The following ZNF214 variants were observed in gnomAD, a reference collection of about 807,000 sequenced individuals.
The protein encoded by ZNF214 is zinc finger protein 214.
Under a neutral mutation model 53.9 loss-of-function variants are expected in ZNF214, and 43 were observed. The observed-to-expected ratio is 0.80, with a 90% CI of 0.63 to 1.03. The LOEUF (loss-of-function observed/expected upper bound fraction) is 1.03. Among genes scored for constraint, ZNF214 ranks in the 50% least tolerant of loss-of-function variants. The pLI is 0.00. For missense variants in ZNF214, 724 were observed against 719.1 expected, an observed-to-expected ratio of 1.01 and a Z score of -0.08; for synonymous variants, 217 against 229.5, an observed-to-expected ratio of 0.95 and a Z score of 0.49.
At chr11:7,014,804 CAA>C (rs1280725156) in intron 1 of ZNF214, among the ~76,000 whole-genome samples, 5 of 64,200 alleles carry the variant, frequency 7.8e-5, no homozygotes, top group Admixed American at 3.2e-4. Flanking sequence ...CTGTCTCTAA[CAA>C]AAAAAAAAAA....
chr11:7,000,888 A>G lies in ZNF214; in HGVS notation c.795T>C (p.His265=). ...CFSQRSDLYR[H]PRNHIGKKLY... ...GCTTCTTACCTATGTGGTTTCTTGGATGTCTATACAAGTCTGATCTCTGAG... is the reference window on the plus strand; with the variant it reads ...GCTTCTTACCTATGTGGTTTCTTGGGTGTCTATACAAGTCTGATCTCTGAG... Residue 265 remains histidine (H), a synonymous_variant, in exon 3 of 3, where the codon CAT becomes CAC. Coordinates refer to ENST00000278314, the MANE Select transcript of ZNF214 (RefSeq NM_013249.4). The G allele has an allele frequency of 6.2e-7, 1 of 1,613,180 alleles. No individual in the cohort carries two copies. Among genetic ancestry groups the G allele is most frequent in the Admixed American group, 1.7e-5 (1 of 59,896 alleles).
Position 6,999,936 on chromosome 11 carries a change from TG to T in ZNF214, c.1746del (p.Tyr582Ter). ...HQRVHAGEKP[Y>X]KCREYYKGFD... ...AATCCCTTATAATATTCACGGCATT[TG>T]TAAGGTTTCTCTCCTGCATGGACTC... On this transcript the variant is annotated frameshift_variant, in exon 3 of 3. Coordinates refer to ENST00000278314, the MANE Select transcript of ZNF214 (RefSeq NM_013249.4). LOFTEE classifies it high-confidence loss of function. 1 of 1,613,068 alleles carries T rather than the reference TG, an allele frequency of 6.2e-7. No homozygotes were observed. The highest frequency in any genetic ancestry group is 1.3e-5 in the African/African-American group (1 of 74,982).
chr11:7,006,220 A>C (rs953947085), intron 1 of ZNF214, among the ~76,000 whole-genome samples: 1 of 152,026 alleles, frequency 6.6e-6, no homozygotes, highest in African/African-American at 2.4e-5. Context: ...ACAAATGTCC[A>C]GGTTCATTCT....
At chr11:7,018,261 A>T (rs1274706157) in intron 1 of ZNF214, among the ~76,000 whole-genome samples, 2 of 152,136 alleles carry the variant, frequency 1.3e-5, no homozygotes, top group African/African-American at 4.8e-5. Context: ...ATGTGGCTTT[A>T]TACATTCATG....
In ZNF214 at chr11:7,000,123, A is replaced by G. The variant is rs780002821; in HGVS notation, c.1560T>C (p.His520=). 1.2e-6 allele frequency: 2 copies of G among 1,613,290 alleles called. No homozygotes were observed. The highest frequency in any genetic ancestry group is 1.1e-5 in the South Asian group (1 of 91,048). Residue 520 remains histidine, a synonymous_variant, in exon 3 of 3, where the codon CAT becomes CAC. Transcript: ENST00000278314. Reference sequence around the variant, plus strand: ...GACATTTATAGGGCTTTTCTCCTGTATGGACTCTCTGATGAATGAGAAGAT... The same window carrying G: ...GACATTTATAGGGCTTTTCTCCTGTGTGGACTCTCTGATGAATGAGAAGAT... The part of the protein sequence containing the change: ...RSHLLIHQRV[H]TGEKPYKCHD...
intron 1 of ZNF214, among the ~76,000 whole-genome samples, chr11:7,011,780 A>ATT (rs1851611481): frequency 1.4e-5 from 2 of 142,420 alleles, no homozygotes; most frequent in Non-Finnish European, 2.9e-5. Context: ...TAAACTATAA[A>ATT]TTAAGAGAGT....
rs1851219694 is a variant in ZNF214, at chr11:6,997,703, G to A, written c.*2159C>T. Among the ~76,000 whole-genome samples, 1 of 151,698 alleles carries A rather than the reference G, an allele frequency of 6.6e-6. No homozygotes were observed. Among genetic ancestry groups the A allele is most frequent in the Admixed American group, 6.6e-5 (1 of 15,176 alleles). On this transcript the variant is annotated 3_prime_UTR_variant, in exon 3 of 3. Coordinates refer to ENST00000278314, the MANE Select transcript of ZNF214 (RefSeq NM_013249.4). ...TATGGTCTCTCTCCAGTTGCCGGAT[G>A]TAGCAACTAAAAACAGAAATGACCA... is the stretch of plus-strand genomic sequence containing the variant.
intron 1 of ZNF214, among the ~76,000 whole-genome samples, chr11:7,009,553 A>G (rs1382182031): frequency 6.6e-6 from 1 of 152,210 alleles, no homozygotes; most frequent in Admixed American, 6.5e-5. Context: ...AAGCAATTGC[A>G]ACAAAAACAA....
At chr11:7,005,104 A>G (rs1265148559) in intron 1 of ZNF214, among the ~76,000 whole-genome samples, 1 of 151,236 alleles carries the variant, frequency 6.6e-6, no homozygotes, top group Non-Finnish European at 1.5e-5. Context: ...TCATATTTCT[A>G]TTGTAATATT....
chr11:7,000,297 T>C lies in ZNF214; in HGVS notation c.1386A>G (p.Arg462=), dbSNP rs372929868. The change falls in exon 3 of 3, where the codon AGA becomes AGG. Residue 462 remains arginine (R), a synonymous_variant. Coordinates refer to ENST00000278314, the MANE Select transcript of ZNF214 (RefSeq NM_013249.4). ...SHSSDLRIHQ[R]VHTGEKPYTC... ...TATAGGGTTTCTCCCCTGTATGGAC[T>C]CTCTGATGAATGCGAAGATCTGAGC... is the stretch of plus-strand genomic sequence containing the variant. The C allele has an allele frequency of 1.9e-6, 3 of 1,613,200 alleles. No homozygotes were observed. Among genetic ancestry groups the C allele is most frequent in the African/African-American group, 1.3e-5 (1 of 74,832 alleles).
chr11:7,002,220 C>T (rs10769749), intron 2 of ZNF214, among the ~76,000 whole-genome samples: 87,356 of 151,760 alleles, frequency 0.58, 26,098 homozygotes, highest in East Asian at 0.73. Context: ...CCACTACCTC[C>T]ACTGATACTG....
rs1357096604 is a variant in ZNF214 at position 7,000,982 on chromosome 11, C to T, written c.701G>A (p.Cys234Tyr). The change falls in exon 3 of 3, where the codon TGT becomes TAT. Residue 234 changes from cysteine to tyrosine, a missense_variant. By Grantham distance (194) the Cys-to-Tyr change is radical. Coordinates refer to ENST00000278314, the MANE Select transcript of ZNF214 (RefSeq NM_013249.4). ...AGGTTGATTTCTCTTGTGGAAAACACACCGTGAGTTCCAATAATAAATTCC... is the reference window on the plus strand; with the variant it reads ...AGGTTGATTTCTCTTGTGGAAAACATACCGTGAGTTCCAATAATAAATTCC... ...CKGIYYWNSR[C>Y]VFHKRNQPGE... is the part of the protein sequence containing the mutation. The T allele has an allele frequency of 1.2e-6, 2 of 1,612,886 alleles. No homozygotes were observed. Among genetic ancestry groups the T allele is most frequent in the East Asian group, 2.2e-5 (1 of 44,868 alleles).
Position 7,000,330 on chromosome 11 carries a change from A to C in ZNF214, c.1353T>G (p.Phe451Leu), listed in dbSNP as rs758625765. 6.2e-7 allele frequency: 1 copy of C among 1,613,298 alleles called. No individual in the cohort carries two copies. The highest frequency in any genetic ancestry group is 8.5e-7 in the Non-Finnish European group (1 of 1,179,586). Residue 451 changes from phenylalanine to leucine, a missense_variant, in exon 3 of 3, where the codon TTT (phenylalanine) becomes TTG (leucine). Phe to Leu is a conservative substitution (Grantham distance 22). Transcript: ENST00000278314. ...PYKCDDCGKD[F>L]SHSSDLRIHQ... Reference sequence around the variant, plus strand: ...GAATGCGAAGATCTGAGCTGTGACTAAAGTCCTTTCCACAGTCATCACATT... The same window carrying C: ...GAATGCGAAGATCTGAGCTGTGACTCAAGTCCTTTCCACAGTCATCACATT...
In ZNF214 at chr11:7,000,516, A is replaced by T. The variant is rs1186442392; in HGVS notation, c.1167T>A (p.Asp389Glu). The change falls in exon 3 of 3, where the codon GAT (aspartate) becomes GAA (glutamate). Residue 389 changes from aspartate to glutamate, a missense_variant. By Grantham distance (45) the Asp-to-Glu change is conservative (BLOSUM62 2). Coordinates refer to ENST00000278314, the MANE Select transcript of ZNF214 (RefSeq NM_013249.4). ...TCTGGCTGAAACCCTTACCACACTCATCACACTTATATGGTTTTTCTCCTG... is the reference window on the plus strand; with the variant it reads ...TCTGGCTGAAACCCTTACCACACTCTTCACACTTATATGGTTTTTCTCCTG... ...VHTGEKPYKC[D>E]ECGKGFSQSS... The T allele has an allele frequency of 9.3e-6, 15 of 1,612,466 alleles. No individual in the cohort carries two copies. Among genetic ancestry groups the T allele is most frequent in the Non-Finnish European group, 1.2e-5 (14 of 1,179,250 alleles).
intron 1 of ZNF214, among the ~76,000 whole-genome samples, chr11:7,017,873 A>G (rs1250849397): frequency 6.6e-6 from 1 of 152,260 alleles, no homozygotes; most frequent in African/African-American, 2.4e-5. Context: ...ACGTATACAA[A>G]TAACAGCTAT....
At chr11:7,017,472 C>G (rs965642607) in intron 1 of ZNF214, among the ~76,000 whole-genome samples, 1 of 152,010 alleles carries the variant, frequency 6.6e-6, no homozygotes, top group Non-Finnish European at 1.5e-5. Context: ...CTTAAATTTT[C>G]CCCAGTAAAA....
At chr11:7,001,710 AATTC>A (rs1335084240) in intron 2 of ZNF214, among the ~76,000 whole-genome samples, 155 bp from the exon 3 acceptor site, 1 of 151,902 alleles carries the variant, frequency 6.6e-6, no homozygotes, top group Non-Finnish European at 1.5e-5. Context: ...TTGGGTCTGA[AATTC>A]ATTTATTTTG....
intron 1 of ZNF214, among the ~76,000 whole-genome samples, chr11:7,007,972 A>C (rs1410716923): frequency 1.3e-5 from 2 of 152,158 alleles, no homozygotes; most frequent in African/African-American, 4.8e-5. Context: ...TTAAAAGTCC[A>C]CACTTCTGAA....
chr11:7,003,019 A>G (rs1363507057), intron 1 of ZNF214, among the ~76,000 whole-genome samples, 164 bp from the exon 2 acceptor site: 1 of 151,938 alleles, frequency 6.6e-6, no homozygotes, highest in African/African-American at 2.4e-5. Flanking sequence ...TAAATAATAT[A>G]TCCAATCATG....
Sources: allele counts gnomAD v4.1 joint callset (sites outside exome capture counted in the v4.1 genomes callset), GRCh38; gene constraint gnomAD v4.1.1; transcripts MANE v1.5; gene names NCBI Gene and HGNC (gene_info 2026-07-23, HGNC 2026-07-21).